Variants in EPC1 observed in about 807,000 individuals in gnomAD.
EPC1 encodes the protein enhancer of polycomb homolog 1.
In EPC1, 12 loss-of-function variants were observed where a neutral mutation model predicts 98.4. The ratio of observed to expected loss-of-function variants is 0.12; its 90% confidence interval spans 0.08 to 0.20. The LOEUF (loss-of-function observed/expected upper bound fraction) is 0.20, where lower values mean the gene tolerates loss of function less well. EPC1 is among the 10% of genes least tolerant of loss of function. The pLI is 1.00. For missense variants in EPC1, 729 were observed against 990.5 expected (o/e 0.74, Z 3.54); for synonymous variants, 357 against 363.9 (o/e 0.98, Z 0.21).
intron 1 of EPC1, among the ~76,000 whole-genome samples, chr10:32,314,135 A>C (rs1410035228): frequency 1.2e-4 from 18 of 152,232 alleles, no homozygotes; most frequent in Admixed American, 1.2e-3. Flanking sequence ...CAAAGGAAAT[A>C]AAGTTAAATA....
intron 5 of EPC1, 62 bp from the exon 6 acceptor site, chr10:32,291,384 T>C: frequency 7.8e-7 from 1 of 1,288,702 alleles, no homozygotes; most frequent in Non-Finnish European, 1.1e-6. Flanking sequence ...TGTGATGTTT[T>C]GATATACATT....
chr10:32,278,371 GT>G (rs58729377), intron 10 of EPC1, among the ~76,000 whole-genome samples: 62,482 of 102,076 alleles, frequency 0.61, 15,865 homozygotes, highest in East Asian at 0.71. Flanking sequence ...GTTTTTTTTT[GT>G]TTTTTTTTTT....
At chr10:32,287,751 A>T (rs1402371649) in intron 6 of EPC1, among the ~76,000 whole-genome samples, 1 of 152,246 alleles carries the variant, frequency 6.6e-6, no homozygotes, top group African/African-American at 2.4e-5. Context: ...AGTAGAAAAC[A>T]AAGCCATAAT....
intron 1 of EPC1, among the ~76,000 whole-genome samples, chr10:32,332,843 A>G (rs1208790642): frequency 6.6e-6 from 1 of 152,202 alleles, no homozygotes; most frequent in African/African-American, 2.4e-5. Context: ...AGAACACTGC[A>G]ATGTTGGATT....
At chr10:32,288,133 T>C (rs551139045) in intron 6 of EPC1, among the ~76,000 whole-genome samples, 105 of 152,248 alleles carry the variant, frequency 6.9e-4, no homozygotes, top group African/African-American at 2.4e-3. Flanking sequence ...TTATGGTTTT[T>C]TGGGAAAACT....
At chr10:32,370,993 C>T (rs1411064475) in intron 1 of EPC1, among the ~76,000 whole-genome samples, 1 of 152,090 alleles carries the variant, frequency 6.6e-6, no homozygotes, top group Admixed American at 6.6e-5. Context: ...GAGAAGACCT[C>T]CAATGGTATG....
intron 1 of EPC1, among the ~76,000 whole-genome samples, chr10:32,362,617 T>C (rs1346436961): frequency 6.6e-6 from 1 of 152,186 alleles, no homozygotes; most frequent in Non-Finnish European, 1.5e-5. Flanking sequence ...CAATTAAATC[T>C]CTTTTCTTTA....
intron 1 of EPC1, among the ~76,000 whole-genome samples, chr10:32,358,218 G>C (rs1480541421): frequency 6.6e-6 from 1 of 152,120 alleles, no homozygotes; most frequent in Non-Finnish European, 1.5e-5. Flanking sequence ...ACTATTATTT[G>C]ACAAAGATAC....
At chr10:32,341,443 GTATA>G (rs1038467203) in intron 1 of EPC1, among the ~76,000 whole-genome samples, 3 of 152,092 alleles carry the variant, frequency 2.0e-5, no homozygotes, top group African/African-American at 4.8e-5. Flanking sequence ...GGATTGGTTG[GTATA>G]TTTAATCCTG....
At chr10:32,346,589 C>T in intron 1 of EPC1, 174 bp downstream of exon 1, 1 of 661,148 alleles carries the variant, frequency 1.5e-6, no homozygotes, top group Non-Finnish European at 2.5e-6. Flanking sequence ...CGCTGGGCCG[C>T]GGCGGCCGGG....
chr10:32,362,759 G>C lies in EPC1; in HGVS notation c.3+15732C>G, dbSNP rs143158816. Among the ~76,000 whole-genome samples, 292 of 152,206 alleles carry C rather than the reference G, an allele frequency of 1.9e-3. 12 individuals carry two copies. The highest frequency in any genetic ancestry group is 0.016 in the Admixed American group (249 of 15,292). On this transcript the variant is annotated intron_variant, in intron 1 of 13. Transcript: ENST00000375110. ...CCAACTCAACTGCCTGGTAGATAAG[G>C]CACCAAACTAACACATGGATACCCC... is the stretch of plus-strand genomic sequence containing the variant.
intron 1 of EPC1, among the ~76,000 whole-genome samples, chr10:32,318,046 G>C (rs76656684): frequency 1.3e-5 from 2 of 152,082 alleles, no homozygotes; most frequent in African/African-American, 2.4e-5. Context: ...CCTAGCATCC[G>C]TTTAGGCTTA....
chr10:32,270,998 C>CT (rs56373530), intron 13 of EPC1, among the ~76,000 whole-genome samples: 14 of 140,804 alleles, frequency 9.9e-5, no homozygotes, highest in Admixed American at 1.4e-4. Flanking sequence ...GCATTATACG[C>CT]TTTTTTTTTT....
At chr10:32,301,447 T>G (rs2132791748) in intron 2 of EPC1, among the ~76,000 whole-genome samples, 1 of 152,292 alleles carries the variant, frequency 6.6e-6, no homozygotes, top group East Asian at 1.9e-4. Flanking sequence ...AAAGTTTATA[T>G]GTAAAGGAAA....
At chr10:32,340,004 C>A (rs1440582531) in intron 1 of EPC1, among the ~76,000 whole-genome samples, 1 of 152,172 alleles carries the variant, frequency 6.6e-6, no homozygotes, top group Non-Finnish European at 1.5e-5. Context: ...TATATTAAAT[C>A]ATTCACAGGA....
chr10:32,312,035 G>A (rs1836264029), intron 1 of EPC1, among the ~76,000 whole-genome samples: 1 of 152,168 alleles, frequency 6.6e-6, no homozygotes, highest in Non-Finnish European at 1.5e-5. Context: ...GACTGAACCT[G>A]CAGAAAGCAA....
At chr10:32,375,131 G>C (rs1475762659) in intron 1 of EPC1, among the ~76,000 whole-genome samples, 1 of 152,042 alleles carries the variant, frequency 6.6e-6, no homozygotes, top group Admixed American at 6.6e-5. Flanking sequence ...ATGGAAAGTA[G>C]TAACACATCT....
chr10:32,370,817 T>C (rs1337513381), intron 1 of EPC1, among the ~76,000 whole-genome samples: 5 of 152,240 alleles, frequency 3.3e-5, no homozygotes, highest in Non-Finnish European at 4.4e-5. Context: ...TAGCCACATG[T>C]TACTAGTGAG....
chr10:32,311,312 CAAA>C (rs56251205), intron 1 of EPC1, among the ~76,000 whole-genome samples: 14 of 144,340 alleles, frequency 9.7e-5, no homozygotes, highest in South Asian at 4.4e-4. Context: ...GACTCCGTCT[CAAA>C]AAAAAAAAAA....
Sources: allele counts gnomAD v4.1 joint callset (sites outside exome capture counted in the v4.1 genomes callset), GRCh38; gene constraint gnomAD v4.1.1; transcripts MANE v1.5; gene names NCBI Gene and HGNC (gene_info 2026-07-23, HGNC 2026-07-21).